The following BDNF variants were observed in gnomAD, a reference collection of about 807,000 sequenced individuals.
BDNF encodes the protein neurotrophic factor BDNF precursor form.
A neutral mutation model predicts 19.5 loss-of-function variants in BDNF; 1 was observed. That is an observed-to-expected ratio of 0.05 (90% CI 0.02 to 0.24). The LOEUF is 0.24. BDNF is among the 10% of genes least tolerant of loss of function. The pLI, the probability that BDNF is intolerant of heterozygous loss-of-function variation, is 1.00. For synonymous variants in BDNF, 100 were observed against 121.6 expected (o/e 0.82, Z 1.17); for missense variants, 195 against 317.6 (o/e 0.61, Z 2.93).
At chr11:27,695,279 T>C (rs1410758203) in intron 1 of BDNF, among the ~76,000 whole-genome samples, 2 of 152,242 alleles carry the variant, frequency 1.3e-5, no homozygotes, top group Non-Finnish European at 2.9e-5. Flanking sequence ...TCCCATTTTA[T>C]AAATTTTAAT....
In BDNF at chr11:27,658,595, G is replaced by A; in HGVS notation, c.-21-10C>T. 6.2e-7 allele frequency: 1 copy of A among 1,614,202 alleles called. No homozygotes were observed. The highest frequency in any genetic ancestry group is 1.1e-5 in the South Asian group (1 of 91,080). On this transcript the variant is annotated splice_polypyrimidine_tract_variant and intron_variant, in intron 1 of 1. Coordinates refer to ENST00000356660, the MANE Select transcript of BDNF (RefSeq NM_001709.5). This position sits in a 1 kb window ranked among gnomAD's most constrained non-coding sequence, Gnocchi z 5.7. ...TTCTCACCTGGTGGAACTGTAGGGA[G>A]AAAGCAGAAACAAGACAGAAAACTG...
At chr11:27,682,240 C>T (rs1329638315) in intron 1 of BDNF, among the ~76,000 whole-genome samples, 2 of 151,922 alleles carry the variant, frequency 1.3e-5, no homozygotes, top group African/African-American at 4.8e-5. Flanking sequence ...AGTTTCTAAA[C>T]CCAACATAGG....
intron 1 of BDNF, chr11:27,660,318 C>T (rs943104563): frequency 2.8e-5 from 25 of 890,480 alleles, no homozygotes; most frequent in East Asian, 6.7e-5. Flanking sequence ...TCACTTTGCA[C>T]GAATAGCAAA....
At chr11:27,698,249 A>AAAAAAAAAAAAAAAAAAAATT (rs1859395487) in intron 1 of BDNF, 1 of 142,466 alleles carries the variant, frequency 7.0e-6, no homozygotes, top group Non-Finnish European at 1.5e-5. Context: ...AAAAAAAAAA[A>AAAAAAAAAAAAAAAAAAAATT]AAAAAAAGTC....
chr11:27,677,876 AT>A (rs2133940075), intron 1 of BDNF: 1 of 152,300 alleles, frequency 6.6e-6, no homozygotes, highest in South Asian at 2.1e-4. Flanking sequence ...AAAAACAGAG[AT>A]TTACACCAGT....
intron 1 of BDNF, among the ~76,000 whole-genome samples, chr11:27,662,913 T>C (rs1033384728): frequency 1.3e-5 from 2 of 152,158 alleles, no homozygotes; most frequent in African/African-American, 4.8e-5. Flanking sequence ...ACTTCTTGAG[T>C]TCCTCTAATG....
Position 27,658,709 on chromosome 11 carries a change from G to C in BDNF, c.-21-124C>G. On this transcript the variant is annotated intron_variant, in intron 1 of 1. Transcript: ENST00000356660. The surrounding 1 kb of genome is among the most constrained non-coding windows in gnomAD (Gnocchi z 5.7). ...CAGGGTCAAGGTTTTTTTATGTCTTGGTGATAAACTCCAGCTGCACCAGAC... is the reference window on the plus strand; with the variant it reads ...CAGGGTCAAGGTTTTTTTATGTCTTCGTGATAAACTCCAGCTGCACCAGAC... 6.3e-7 allele frequency: 1 copy of C among 1,575,920 alleles called. No individual in the cohort carries two copies. The highest frequency in any genetic ancestry group is 8.6e-7 in the Non-Finnish European group (1 of 1,161,426).
At chr11:27,709,150 G>C (rs1860228598) in intron 1 of BDNF, among the ~76,000 whole-genome samples, 1 of 152,172 alleles carries the variant, frequency 6.6e-6, no homozygotes, top group African/African-American at 2.4e-5. Flanking sequence ...TTTATTTCTT[G>C]ATCACTTTAG....
chr11:27,668,775 T>A (rs1020612925), intron 1 of BDNF, among the ~76,000 whole-genome samples: 2 of 152,172 alleles, frequency 1.3e-5, no homozygotes, highest in Non-Finnish European at 2.9e-5. Flanking sequence ...ATTAATAGCC[T>A]ACCAACCAAA....
chr11:27,679,238 T>A (rs968236370), intron 1 of BDNF, among the ~76,000 whole-genome samples: 1 of 152,130 alleles, frequency 6.6e-6, no homozygotes, highest in African/African-American at 2.4e-5. Context: ...TCAAATATAA[T>A]GTCCTCTCAC....
chr11:27,679,607 A>C (rs956937270), intron 1 of BDNF, among the ~76,000 whole-genome samples: 8 of 152,334 alleles, frequency 5.3e-5, no homozygotes, highest in Admixed American at 2.0e-4. Context: ...GGAGGTGGGC[A>C]CATTCCCACC....
chr11:27,659,418 C>G (rs930679148), intron 1 of BDNF: 1 of 1,000,152 alleles, frequency 1.0e-6, no homozygotes, highest in Admixed American at 6.1e-5. Context: ...ATGCCTGGGG[C>G]TAATGTCATG....
chr11:27,658,109 G>A lies in BDNF; in HGVS notation c.456C>T (p.Asp152=), dbSNP rs777804423. 1 of 1,614,128 alleles carries A rather than the reference G, an allele frequency of 6.2e-7. No homozygotes were observed. Among genetic ancestry groups the A allele is most frequent in the Admixed American group, 1.7e-5 (1 of 60,024 alleles). The change falls in exon 2 of 2, where the codon GAC becomes GAT. Residue 152 remains aspartate (D), a synonymous_variant. Coordinates refer to ENST00000356660, the MANE Select transcript of BDNF (RefSeq NM_001709.5). The surrounding 1 kb of genome is among the most constrained non-coding windows in gnomAD (Gnocchi z 5.7). The part of the protein sequence containing the change: ...DSISEWVTAA[D]KKTAVDMSGG... ...CCGACATGTCCACTGCAGTCTTTTTGTCTGCCGCCGTTACCCACTCACTAA... is the reference window on the plus strand; with the variant it reads ...CCGACATGTCCACTGCAGTCTTTTTATCTGCCGCCGTTACCCACTCACTAA...
Position 27,719,704 on chromosome 11 carries a change from G to A in BDNF, c.3+1708C>T, listed in dbSNP as rs1409750908. 3.2e-6 allele frequency: 3 copies of A among 932,428 alleles called. No individual in the cohort carries two copies. The East Asian group carries it at 4.0e-4, about 124-fold the overall frequency. The allele number at this position is 932,428 out of a possible 1,614,324, so 57.8% of individuals were successfully genotyped here. ...CGAGGGCGACGGAGAGGAAGAGATA[G>A]AATGAGGGAGGGATGGAGGCTGGAG... On this transcript the variant is annotated intron_variant, in intron 1 of 1. Coordinates refer to the BDNF transcript ENST00000314915.
Position 27,655,932 on chromosome 11 carries a change from C to G in BDNF, c.*1889G>C, listed in dbSNP as rs1852499111. On this transcript the variant is annotated 3_prime_UTR_variant, in exon 2 of 2. Coordinates refer to ENST00000356660, the MANE Select transcript of BDNF (RefSeq NM_001709.5). The stretch of plus-strand genomic sequence containing the variant: ...AAATGGCAGAGGTGAGGCAGGGACC[C>G]TCTCCATGAACAGACAGGATGGGCA... The G allele has an allele frequency of 6.6e-6, 1 of 152,264 alleles. No individual in the cohort carries two copies. The highest frequency in any genetic ancestry group is 6.5e-5 in the Admixed American group (1 of 15,276). The allele number at this position is 152,264 out of a possible 1,614,324, so 9.4% of individuals were successfully genotyped here. A position where few individuals can be genotyped will look rare whatever the true frequency, so the allele number is the denominator to read the frequency against.
chr11:27,697,912 A>C (rs1247827366), intron 1 of BDNF: 2 of 152,174 alleles, frequency 1.3e-5, no homozygotes, highest in African/African-American at 2.4e-5. Context: ...CATGTACGTA[A>C]GCCTTGTTTA....
At chr11:27,708,217 T>C (rs1860187305) in intron 1 of BDNF, among the ~76,000 whole-genome samples, 1 of 152,234 alleles carries the variant, frequency 6.6e-6, no homozygotes, top group Non-Finnish European at 1.5e-5. Context: ...TGTCCCTTTA[T>C]GTTCATACTA....
chr11:27,700,143 C>G, intron 1 of BDNF, 21 bp downstream of exon 1: 1 of 985,940 alleles, frequency 1.0e-6, no homozygotes, highest in Non-Finnish European at 1.2e-6. Flanking sequence ...GCACCAAGCC[C>G]CATTCCCAGC....
Position 27,690,439 on chromosome 11 carries a change from T to TCACA in BDNF, c.-22+9721_-22+9724dup, listed in dbSNP as rs149036227. Among the ~76,000 whole-genome samples, 1,332 of 150,152 alleles carry TCACA rather than the reference T, an allele frequency of 8.9e-3. 9 individuals carry two copies. The highest frequency in any genetic ancestry group is 0.014 in the Non-Finnish European group (915 of 67,344). On this transcript the variant is annotated intron_variant, in intron 1 of 1. Transcript: ENST00000356660. ...TGTGATTTTTTTCTTTTTTTGAGATTCACACACACACACACACACAAACTA... is the reference window on the plus strand; with the variant it reads ...TGTGATTTTTTTCTTTTTTTGAGATTCACACACACACACACACACACACAAACTA...
Sources: gnomAD v4.1 joint callset for allele counts (sites outside exome capture counted in the v4.1 genomes callset) on GRCh38, gnomAD v4.1.1 for gene constraint, Gnocchi (gnomAD v3.1) non-coding constraint, MANE v1.5 for transcripts, NCBI Gene and HGNC (gene_info 2026-07-23, HGNC 2026-07-21) for gene names.